Variants in NPAS3 observed in about 807,000 individuals in gnomAD.
NPAS3 encodes the protein neuronal PAS domain protein 3, also known as neuronal PAS domain-containing protein 3.
NPAS3 carries 14 observed loss-of-function variants against 73.1 expected under a neutral mutation model. The observed-to-expected ratio is 0.19, with a 90% CI of 0.13 to 0.30. The LOEUF is 0.30. Among genes scored for constraint, NPAS3 ranks in the 10% least tolerant of loss-of-function variants. The probability of loss-of-function intolerance (pLI) is 1.00; values close to 1 mark genes in which losing one functional copy is unlikely to be tolerated. For synonymous variants in NPAS3, 620 were observed against 541.5 expected (o/e 1.14, Z -2.01); for missense variants, 1,096 against 1,250.0 (o/e 0.88, Z 1.86).
intron 4 of NPAS3, among the ~76,000 whole-genome samples, chr14:33,509,409 ATGACTTGCCC>A (rs969323306): frequency 6.6e-6 from 1 of 152,036 alleles, no homozygotes; most frequent in African/African-American, 2.4e-5. Context: ...GAAATACAAA[ATGACTTGCCC>A]TGATCCAGTA....
At chr14:32,991,237 T>C (rs2038322110) in intron 1 of NPAS3, among the ~76,000 whole-genome samples, 1 of 151,944 alleles carries the variant, frequency 6.6e-6, no homozygotes. Flanking sequence ...CAGAAAGCCT[T>C]TCTAGGTGTT....
rs75344446 is a variant in NPAS3 at position 33,242,163 on chromosome 14, C to T, written c.385+26737C>T. The stretch of plus-strand genomic sequence containing the variant: ...AACCTTTTGGTGAAGAAAAATAAGT[C>T]GCAAACTCACTGAGCAGAATAAAGA... On this transcript the variant is annotated intron_variant, in intron 3 of 11. Coordinates refer to ENST00000356141, the Ensembl canonical transcript of NPAS3. Among the ~76,000 whole-genome samples the T allele has an allele frequency of 6.8e-3, 1,035 of 151,878 alleles. 5 individuals carry two copies. Among genetic ancestry groups the T allele is most frequent in the South Asian group, 0.019 (93 of 4,800 alleles).
intron 1 of NPAS3, among the ~76,000 whole-genome samples, chr14:33,025,837 A>G (rs1349701745): frequency 6.6e-6 from 1 of 152,186 alleles, no homozygotes. Context: ...AGAAGTCTGT[A>G]TAGTTCACAG....
intron 1 of NPAS3, among the ~76,000 whole-genome samples, chr14:33,050,408 T>C (rs1482387597): frequency 6.6e-6 from 1 of 152,180 alleles, no homozygotes; most frequent in Non-Finnish European, 1.5e-5. Context: ...CCCTAGGTCT[T>C]CTCTCTGGAG....
intron 2 of NPAS3, among the ~76,000 whole-genome samples, chr14:33,176,974 C>G (rs1190995404): frequency 6.6e-6 from 1 of 151,646 alleles, no homozygotes; most frequent in African/African-American, 2.4e-5. Context: ...ACTAATGATA[C>G]TTAGCATCTT....
chr14:33,737,365 G>A (rs2061548503), intron 7 of NPAS3, among the ~76,000 whole-genome samples: 1 of 152,090 alleles, frequency 6.6e-6, no homozygotes, highest in Admixed American at 6.6e-5. Flanking sequence ...AGTAAGAATG[G>A]GCCTTCCAGA....
intron 3 of NPAS3, among the ~76,000 whole-genome samples, chr14:33,359,866 C>A (rs1174268424): frequency 6.6e-6 from 1 of 152,308 alleles, no homozygotes; most frequent in East Asian, 1.9e-4. Flanking sequence ...CACATGATAT[C>A]CCTGCCTGAC....
chr14:33,487,827 T>C (rs2051686292), intron 4 of NPAS3, among the ~76,000 whole-genome samples: 1 of 152,210 alleles, frequency 6.6e-6, no homozygotes, highest in African/African-American at 2.4e-5. Context: ...CAAGTACGTG[T>C]TATTTTTAAA....
At chr14:33,213,791 G>A (rs2047122019) in intron 2 of NPAS3, 1 of 152,170 alleles carries the variant, frequency 6.6e-6, no homozygotes, top group Non-Finnish European at 1.5e-5. Flanking sequence ...ACATAAAACT[G>A]GTTGGGTATT....
At chr14:33,064,828 C>T (rs1166465748) in intron 2 of NPAS3, among the ~76,000 whole-genome samples, 1 of 152,108 alleles carries the variant, frequency 6.6e-6, no homozygotes, top group Admixed American at 6.5e-5. Flanking sequence ...CTATGAATAA[C>T]ACTTTTTATA....
At chr14:33,754,135 G>A (rs375626067) in intron 7 of NPAS3, among the ~76,000 whole-genome samples, 165 of 152,210 alleles carry the variant, frequency 1.1e-3, no homozygotes, top group African/African-American at 3.7e-3. Context: ...GAAAGAATTG[G>A]GTGAAGGAAA....
At chr14:33,668,753 A>T (rs191415565) in intron 5 of NPAS3, among the ~76,000 whole-genome samples, 1 of 152,174 alleles carries the variant, frequency 6.6e-6, no homozygotes, top group African/African-American at 2.4e-5. Context: ...CAGGAGGCGG[A>T]GGTTGCAGAG....
At chr14:33,648,127 C>G (rs1044040990) in intron 5 of NPAS3, among the ~76,000 whole-genome samples, 1 of 152,132 alleles carries the variant, frequency 6.6e-6, no homozygotes, top group Non-Finnish European at 1.5e-5. Context: ...GGGAACAGAT[C>G]GAGACTAGCA....
At chr14:33,449,631 GCACACACA>G (rs35853342) in intron 4 of NPAS3, among the ~76,000 whole-genome samples, 1 of 148,544 alleles carries the variant, frequency 6.7e-6, no homozygotes, top group Non-Finnish European at 1.5e-5. Context: ...GCACACACAT[GCACACACA>G]CACACACACA....
intron 5 of NPAS3, among the ~76,000 whole-genome samples, chr14:33,634,349 T>C (rs989086836): frequency 2.6e-5 from 4 of 152,148 alleles, no homozygotes; most frequent in African/African-American, 9.7e-5. Flanking sequence ...GTAGCCTGCA[T>C]TTTAGGGGTT....
At chr14:33,324,562 C>G (rs1355979278) in intron 3 of NPAS3, among the ~76,000 whole-genome samples, 2 of 152,098 alleles carry the variant, frequency 1.3e-5, no homozygotes, top group African/African-American at 4.8e-5. Context: ...CTGCGAAAAT[C>G]TTTTGATTAT....
chr14:32,961,351 C>T (rs1595096123), intron 1 of NPAS3, among the ~76,000 whole-genome samples: 1 of 144,962 alleles, frequency 6.9e-6, no homozygotes, highest in African/African-American at 2.6e-5. Context: ...GTGGAGGTTG[C>T]AGTGAGCTGA....
At chr14:33,530,987 A>G (rs531450381) in intron 4 of NPAS3, among the ~76,000 whole-genome samples, 1 of 152,084 alleles carries the variant, frequency 6.6e-6, no homozygotes, top group Non-Finnish European at 1.5e-5. Flanking sequence ...ATGGGTAAAC[A>G]GTAAGCAGTA....
intron 4 of NPAS3, among the ~76,000 whole-genome samples, chr14:33,384,441 C>T (rs1280641905): frequency 2.6e-5 from 4 of 150,946 alleles, no homozygotes; most frequent in Non-Finnish European, 5.9e-5. Context: ...AAACAAATAC[C>T]ATTGAAGGCC....
Sources: allele counts gnomAD v4.1 joint callset (sites outside exome capture counted in the v4.1 genomes callset), GRCh38; gene constraint gnomAD v4.1.1; transcripts MANE v1.5; gene names NCBI Gene and HGNC (gene_info 2026-07-23, HGNC 2026-07-21).